The following DTNA variants were observed in gnomAD, a reference collection of about 807,000 sequenced individuals.
DTNA encodes dystrophin-related protein 3.
In DTNA, 43 loss-of-function variants were observed where a neutral mutation model predicts 100.7. That is an observed-to-expected ratio of 0.43 (90% CI 0.33 to 0.55). The LOEUF (loss-of-function observed/expected upper bound fraction) is 0.55. Among genes scored for constraint, DTNA ranks in the 20% least tolerant of loss-of-function variants. The pLI is 0.04. For synonymous variants in DTNA, 349 were observed against 347.9 expected (o/e 1.00, Z -0.04); for missense variants, 798 against 953.9 (o/e 0.84, Z 2.15).
At chr18:34,578,303 C>A (rs1198655196) in intron 1 of DTNA, among the ~76,000 whole-genome samples, 2 of 151,958 alleles carry the variant, frequency 1.3e-5, no homozygotes, top group African/African-American at 4.8e-5. Context: ...ATGTCCTTAG[C>A]CTACTTTTTG....
chr18:34,796,250 C>T (rs1164382461), intron 4 of DTNA, among the ~76,000 whole-genome samples: 1 of 152,224 alleles, frequency 6.6e-6, no homozygotes, highest in Non-Finnish European at 1.5e-5. Context: ...AATTTTCCAT[C>T]TGATGGCATG....
chr18:34,759,046 G>A (rs1205393453), intron 2 of DTNA, among the ~76,000 whole-genome samples: 2 of 151,982 alleles, frequency 1.3e-5, no homozygotes, highest in East Asian at 3.9e-4. Flanking sequence ...ATAAAAAATT[G>A]GGTGACCACC....
At chr18:34,848,463 A>C (rs2096419389) in intron 14 of DTNA, 80 bp downstream of exon 14, 2 of 1,412,716 alleles carry the variant, frequency 1.4e-6, no homozygotes, top group Non-Finnish European at 2.0e-6. Flanking sequence ...TTGTTATTAT[A>C]GCTGGTGCTG....
At position 34,598,922 on chromosome 18, in the gene DTNA, A is replaced by G. The variant is rs17735065; in HGVS notation, c.-2+105408A>G. ...TTGAATATCATCTTTCTAAAAGCCTATGCTAAGCAAAGAAAAACTGTATTT... is the reference window on the plus strand; with the variant it reads ...TTGAATATCATCTTTCTAAAAGCCTGTGCTAAGCAAAGAAAAACTGTATTT... On this transcript the variant is annotated intron_variant, in intron 1 of 19. Coordinates refer to the DTNA transcript ENST00000283365. Among the ~76,000 whole-genome samples the G allele has an allele frequency of 6.1e-3, 934 of 152,346 alleles. 23 individuals carry two copies. The East Asian group carries it at 0.071, about 12-fold the overall frequency.
intron 1 of DTNA, among the ~76,000 whole-genome samples, chr18:34,534,738 G>A (rs1455229473): frequency 1.3e-5 from 2 of 152,020 alleles, no homozygotes; most frequent in Non-Finnish European, 2.9e-5. Flanking sequence ...GTGAGAATAT[G>A]AGTGTTTGGT....
chr18:34,834,037 T>A (rs753333958), intron 11 of DTNA, among the ~76,000 whole-genome samples: 3 of 152,226 alleles, frequency 2.0e-5, no homozygotes, highest in Non-Finnish European at 4.4e-5. Context: ...AATTTCTCCA[T>A]GCAAACTTCC....
At position 34,820,918 on chromosome 18, in the gene DTNA, G is replaced by A. The variant is rs780722775; in HGVS notation, c.1001+3G>A. On this transcript the variant is annotated splice_donor_region_variant and intron_variant, in intron 9 of 22. Transcript: ENST00000444659. ...CCACTCAACTTGGCTCACATCGTGT[G>A]AGTATCCCTACCCTCCCAGTATAGA... 3.7e-6 allele frequency: 6 copies of A among 1,613,326 alleles called. No homozygotes were observed. The highest frequency in any genetic ancestry group is 5.1e-6 in the Non-Finnish European group (6 of 1,179,878).
At chr18:34,872,194 G>A (rs1190974070) in intron 17 of DTNA, among the ~76,000 whole-genome samples, 1 of 152,190 alleles carries the variant, frequency 6.6e-6, no homozygotes. Flanking sequence ...GCAGGGAGAG[G>A]TTGGGTGAGG....
intron 1 of DTNA, among the ~76,000 whole-genome samples, chr18:34,741,220 G>T (rs1206597277): frequency 6.6e-6 from 1 of 152,104 alleles, no homozygotes; most frequent in Non-Finnish European, 1.5e-5. Context: ...GTTCCCAGGA[G>T]CAGGCACTTT....
chr18:34,829,912 C>A (rs1319689597), intron 11 of DTNA, among the ~76,000 whole-genome samples: 2 of 152,186 alleles, frequency 1.3e-5, no homozygotes, highest in Admixed American at 1.3e-4. Context: ...CAGTTAAAGA[C>A]TTGAGGACTT....
At chr18:34,705,206 T>C (rs531358791) in intron 1 of DTNA, among the ~76,000 whole-genome samples, 1 of 152,326 alleles carries the variant, frequency 6.6e-6, no homozygotes, top group East Asian at 1.9e-4. Flanking sequence ...CAGATTTTGA[T>C]CTGGGAGAAT....
intron 1 of DTNA, among the ~76,000 whole-genome samples, chr18:34,646,841 G>A (rs962421892): frequency 6.6e-6 from 1 of 151,934 alleles, no homozygotes; most frequent in African/African-American, 2.4e-5. Context: ...TCAGCCTCCT[G>A]AGTCACTGGG....
intron 1 of DTNA, among the ~76,000 whole-genome samples, chr18:34,546,938 C>T (rs1034466548): frequency 1.3e-5 from 2 of 151,726 alleles, no homozygotes; most frequent in Non-Finnish European, 1.5e-5. Flanking sequence ...CTGGAACTCC[C>T]AACCTCAATC....
intron 1 of DTNA, among the ~76,000 whole-genome samples, chr18:34,726,490 C>T (rs886285371): frequency 8.5e-5 from 13 of 152,138 alleles, no homozygotes; most frequent in Non-Finnish European, 1.5e-4. Context: ...TTGCTTCCAA[C>T]GACAGTAATA....
At chr18:34,774,987 G>A (rs1011972151) in intron 3 of DTNA, among the ~76,000 whole-genome samples, 1 of 152,170 alleles carries the variant, frequency 6.6e-6, no homozygotes, top group Admixed American at 6.5e-5. Context: ...CAAATGCCTA[G>A]TCCAAAACAT....
chr18:34,633,640 T>C (rs2058339448), intron 1 of DTNA, among the ~76,000 whole-genome samples: 1 of 152,154 alleles, frequency 6.6e-6, no homozygotes, highest in Non-Finnish European at 1.5e-5. Flanking sequence ...CCTCTCACTT[T>C]TAAGTATGGT....
At chr18:34,623,795 A>G (rs2056907768) in intron 1 of DTNA, among the ~76,000 whole-genome samples, 1 of 152,232 alleles carries the variant, frequency 6.6e-6, no homozygotes, top group Non-Finnish European at 1.5e-5. Context: ...ATAGCAAGAA[A>G]TGCAGTCACA....
chr18:34,513,953 A>G (rs981637812), intron 1 of DTNA: 2 of 152,132 alleles, frequency 1.3e-5, no homozygotes, highest in Non-Finnish European at 2.9e-5. Context: ...TTCTTTGCCT[A>G]TGCAGGTAAC....
intron 1 of DTNA, among the ~76,000 whole-genome samples, chr18:34,733,845 C>T (rs1179758427): frequency 2.0e-5 from 3 of 152,106 alleles, no homozygotes; most frequent in South Asian, 2.1e-4. Flanking sequence ...TCTTTTAATC[C>T]ATATTTCAGC....
Sources: gnomAD v4.1 joint callset for allele counts (sites outside exome capture counted in the v4.1 genomes callset) on GRCh38, gnomAD v4.1.1 for gene constraint, MANE v1.5 for transcripts, NCBI Gene and HGNC (gene_info 2026-07-23, HGNC 2026-07-21) for gene names.